SOS1: variants seen among roughly 807,000 people sequenced by gnomAD.
SOS1 encodes SOS Ras/Rac guanine nucleotide exchange factor 1, also known as son of sevenless homolog 1.
A neutral mutation model predicts 157.6 loss-of-function variants in SOS1; 25 were observed. That is an observed-to-expected ratio of 0.16 (90% confidence interval 0.12 to 0.22). The LOEUF is 0.22. SOS1 is among the 10% of genes least tolerant of loss of function. The pLI is 1.00. For synonymous variants in SOS1, 528 were observed against 534.0 expected (o/e 0.99, Z 0.16); for missense variants, 1,237 against 1,599.1 (o/e 0.77, Z 3.86).
At chr2:38,989,352 T>G in intron 20 of SOS1, 38 bp from the exon 21 acceptor site, 1 of 1,407,504 alleles carries the variant, frequency 7.1e-7, no homozygotes. Context: ...TTTTTTTCTT[T>G]CATTGATATA....
chr2:39,120,350 G>A lies in SOS1; in HGVS notation c.73C>T (p.Pro25Ser), dbSNP rs139592595. The change falls in exon 1 of 23, where the codon CCT (proline) becomes TCT (serine). Residue 25 changes from proline to serine, a missense_variant. By Grantham distance (74) the Pro-to-Ser change is moderately conservative. This residue lies in a region of SOS1 where 99 missense variants were observed against 81.6 expected (regional missense o/e 1.21). Coordinates refer to ENST00000402219, the MANE Select transcript of SOS1 (RefSeq NM_005633.4). Reference protein sequence around the residue: ...NAPKWRGLLVPALKKVQGQVH... With the variant: ...NAPKWRGLLVSALKKVQGQVH... Reference sequence around the variant, plus strand: ...GTGCTCCTCACCTTTTTCAGCGCAGGCACCAGTAGTCCCCGCCACTTGGGC... The same window carrying A: ...GTGCTCCTCACCTTTTTCAGCGCAGACACCAGTAGTCCCCGCCACTTGGGC... The A allele has an allele frequency of 1.3e-4, 214 of 1,589,328 alleles. No homozygotes were observed. The African/African-American group carries it at 2.4e-3, about 18-fold the overall frequency.
intron 9 of SOS1, 154 bp downstream of exon 9, chr2:39,023,856 A>G (rs1291916733): frequency 1.1e-5 from 7 of 628,944 alleles, no homozygotes; most frequent in Non-Finnish European, 2.0e-5. Flanking sequence ...AACAATAACA[A>G]TTCTCTTGGC....
intron 17 of SOS1, among the ~76,000 whole-genome samples, chr2:38,998,266 T>C (rs1282064074): frequency 6.6e-6 from 1 of 152,094 alleles, no homozygotes; most frequent in Non-Finnish European, 1.5e-5. Context: ...TTTATATTTT[T>C]TGAGATGGAG....
chr2:39,057,040 T>C lies in SOS1; in HGVS notation c.346-174A>G, dbSNP rs571956203. ...ACAATGAATAATATATGTATTACTA[T>C]TGAAAATGTAAGCTAAGAAAAGGCA... On this transcript the variant is annotated intron_variant, in intron 3 of 22. Transcript: ENST00000402219. 2.7e-4 allele frequency among the ~76,000 whole-genome samples: 41 copies of C among 152,306 alleles called. 1 individual carries two copies. The South Asian group carries it at 3.5e-3, about 13-fold the overall frequency.
rs548215929 is a variant in SOS1, at chr2:39,013,407, G to A, written c.2167+53C>T. On this transcript the variant is annotated intron_variant, in intron 13 of 22. Coordinates refer to ENST00000402219, the MANE Select transcript of SOS1 (RefSeq NM_005633.4). ...CCAATGACATCAATTGATAGTCACC[G>A]TGTTGGTACTTTTATTACATATAAA... 68 of 977,110 alleles carry A rather than the reference G, an allele frequency of 7.0e-5. 1 individual carries two copies. The highest frequency in any genetic ancestry group is 6.5e-4 in the South Asian group (50 of 77,150). 60.5% of individuals were successfully genotyped at this position (977,110 alleles called of 1,614,324 possible). A position where few individuals can be genotyped will look rare whatever the true frequency, so the allele number is the denominator to read the frequency against.
At chr2:39,037,045 T>C (rs762328338) in intron 6 of SOS1, among the ~76,000 whole-genome samples, 57 of 152,356 alleles carry the variant, frequency 3.7e-4, no homozygotes, top group Non-Finnish European at 5.0e-4. Flanking sequence ...GTTCTGGTTG[T>C]TGCATTTTGC....
At chr2:39,045,267 AGAGAGAGT>A (rs1207647602) in intron 6 of SOS1, among the ~76,000 whole-genome samples, 102 of 105,190 alleles carry the variant, frequency 9.7e-4, no homozygotes, top group African/African-American at 3.9e-3. Context: ...AGAGAGAGAG[AGAGAGAGT>A]GTGTGTGTGT....
chr2:39,066,805 G>T (rs1391866850), intron 2 of SOS1, among the ~76,000 whole-genome samples: 1 of 152,142 alleles, frequency 6.6e-6, no homozygotes. Context: ...AACAACTGAA[G>T]ATCAAAACAT....
intron 1 of SOS1, among the ~76,000 whole-genome samples, chr2:39,087,314 G>A (rs1486804893): frequency 3.9e-5 from 6 of 152,010 alleles, no homozygotes; most frequent in African/African-American, 9.7e-5. Context: ...TCTTAGTTTC[G>A]TAAATATTAA....
chr2:39,067,561 G>T, intron 2 of SOS1, 67 bp downstream of exon 2: 2 of 1,419,952 alleles, frequency 1.4e-6, no homozygotes, highest in Non-Finnish European at 2.0e-6. Flanking sequence ...TTCTTTCCCT[G>T]TTCACTGACA....
chr2:39,040,066 C>T lies in SOS1; in HGVS notation c.865-4566G>A, dbSNP rs187429780. On this transcript the variant is annotated intron_variant, in intron 6 of 22. Coordinates refer to ENST00000402219, the MANE Select transcript of SOS1 (RefSeq NM_005633.4). ...TTGCTCTGTCGCCCAGGCTGGAGTG[C>T]AGTGGCGTGACCTCGGCTCACTGCA... is the stretch of plus-strand genomic sequence containing the variant. 4.5e-3 allele frequency among the ~76,000 whole-genome samples: 689 copies of T among 152,072 alleles called. 7 individuals are homozygous for T. Among genetic ancestry groups the T allele is most frequent in the African/African-American group, 0.016 (666 of 41,476 alleles).
At chr2:39,051,052 A>G (rs1196167715) in intron 6 of SOS1, 92 bp downstream of exon 6, 1 of 1,152,596 alleles carries the variant, frequency 8.7e-7, no homozygotes, top group Non-Finnish European at 1.3e-6. Flanking sequence ...ATTAGTATCT[A>G]TGACTTTAGC....
intron 5 of SOS1, 23 bp from the exon 6 acceptor site, chr2:39,051,310 A>G: frequency 1.9e-6 from 3 of 1,600,578 alleles, no homozygotes; most frequent in Non-Finnish European, 1.7e-6. Context: ...AAACACATTA[A>G]TTCAGTGAGG....
At chr2:39,102,192 G>A (rs1425953826) in intron 1 of SOS1, among the ~76,000 whole-genome samples, 4 of 90,706 alleles carry the variant, frequency 4.4e-5, no homozygotes, top group Admixed American at 1.8e-4. Flanking sequence ...GTGACAGTGC[G>A]AGACTCTGTC....
At chr2:38,992,866 G>A (rs930136023) in intron 20 of SOS1, 2 of 152,144 alleles carry the variant, frequency 1.3e-5, no homozygotes, top group East Asian at 1.9e-4. Flanking sequence ...GCAAGCTGGG[G>A]AGAATAAATG....
At position 38,983,931 on chromosome 2, in the gene SOS1, TG is replaced by T. The variant is rs1203700663; in HGVS notation, c.*1892del. ...AGAAGAATGGCTACCATCATAGGAATGGTACAGATATTGAGAAAGGATTCAA... is the reference window on the plus strand; with the variant it reads ...AGAAGAATGGCTACCATCATAGGAATGTACAGATATTGAGAAAGGATTCAA... On this transcript the variant is annotated 3_prime_UTR_variant, in exon 23 of 23. Transcript: ENST00000402219. 7.2e-5 allele frequency: 11 copies of T among 152,310 alleles called. No homozygotes were observed. Among genetic ancestry groups the T allele is most frequent in the African/African-American group, 2.4e-4 (10 of 41,570 alleles). The allele number at this position is 152,310 out of a possible 1,614,324, so 9.4% of individuals were successfully genotyped here. A position where few individuals can be genotyped will look rare whatever the true frequency, so the allele number is the denominator to read the frequency against.
At position 39,054,638 on chromosome 2, in the gene SOS1, G is replaced by C. The variant is rs1157474199; in HGVS notation, c.696C>G (p.Ser232=). 6.4e-7 allele frequency: 1 copy of C among 1,574,222 alleles called. No individual in the cohort carries two copies. Among genetic ancestry groups the C allele is most frequent in the Non-Finnish European group, 8.7e-7 (1 of 1,144,392 alleles). ...IIKVFREPFV[S]NSKLFSANDV... ...CATTAGCTGAAAACAATTTTGAATTGGAGACAAAGGGCTCTCTAAAAACTT... is the reference window on the plus strand; with the variant it reads ...CATTAGCTGAAAACAATTTTGAATTCGAGACAAAGGGCTCTCTAAAAACTT... The change falls in exon 5 of 23, where the codon TCC becomes TCG. Residue 232 remains serine, a synonymous_variant. Transcript: ENST00000402219.
intron 10 of SOS1, among the ~76,000 whole-genome samples, chr2:39,016,249 G>T (rs1192565301): frequency 6.6e-6 from 1 of 151,992 alleles, no homozygotes; most frequent in Non-Finnish European, 1.5e-5. Context: ...TTAAGTTAAA[G>T]ATTTACAGAA....
Position 38,996,933 on chromosome 2 carries a change from G to A in SOS1, c.3070C>T (p.Leu1024Phe). 1 of 1,521,200 alleles carries A rather than the reference G, an allele frequency of 6.6e-7. No individual in the cohort carries two copies. Among genetic ancestry groups the A allele is most frequent in the South Asian group, 1.1e-5 (1 of 89,190 alleles). The allele number at this position is 1,521,200 out of a possible 1,614,324, so 94.2% of individuals were successfully genotyped here. ...LEIEPRNPKP[L>F]PRFPKKYSYP... ...ATACAAATGCTTACAAATCTTGGGA[G>A]AGGCTTAGGGTTTCGTGGTTCTATT... The change falls in exon 19 of 23, where the codon CTC becomes TTC. Residue 1024 changes from leucine to phenylalanine, a missense_variant. Physicochemically the swap from Leu to Phe is conservative, Grantham distance 22. This residue lies in a region of SOS1 where 43 missense variants were observed against 83.0 expected (regional missense o/e 0.52). Coordinates refer to ENST00000402219, the MANE Select transcript of SOS1 (RefSeq NM_005633.4).
Sources: allele counts gnomAD v4.1 joint callset (sites outside exome capture counted in the v4.1 genomes callset), GRCh38; gene constraint gnomAD v4.1.1; regional missense constraint gnomAD v4.1.1; transcripts MANE v1.5; gene names NCBI Gene and HGNC (gene_info 2026-07-23, HGNC 2026-07-21).